LGSN: variants seen among roughly 807,000 people sequenced by gnomAD.
LGSN encodes lengsin, lens protein with glutamine synthetase domain.
LGSN carries 21 observed loss-of-function variants against 19.5 expected under a neutral mutation model. The observed-to-expected ratio is 1.07, with a 90% CI of 0.76 to 1.55. The LOEUF (loss-of-function observed/expected upper bound fraction) is 1.55. Ranked by LOEUF, LGSN falls within the 40% of genes most tolerant of loss-of-function variation. LGSN has a pLI of 0.00. For synonymous variants in LGSN, 257 were observed against 215.6 expected (o/e 1.19, Z -1.68); for missense variants, 673 against 608.5 (o/e 1.11, Z -1.12).
At chr6:63,357,413 C>A in the LGSN span, among the ~76,000 whole-genome samples, 21 of 152,276 alleles carry the variant, frequency 1.4e-4, no homozygotes, top group Admixed American at 2.6e-4. Context: ...GCCACACTGA[C>A]TTCCACAATG....
chr6:63,297,217 G>A (rs1453206696), intron 1 of LGSN, among the ~76,000 whole-genome samples: 1 of 152,044 alleles, frequency 6.6e-6, no homozygotes, highest in Non-Finnish European at 1.5e-5. Context: ...GCACGTGCCT[G>A]TAATCCCAGC....
the LGSN span, chr6:63,570,968 CT>C: frequency 1.2e-4 from 19 of 152,098 alleles, no homozygotes; most frequent in Non-Finnish European, 2.4e-4. Context: ...GATTTTTAAG[CT>C]TTCTATATTT....
chr6:63,409,550 CTTATT>C, the LGSN span, among the ~76,000 whole-genome samples: 1 of 152,088 alleles, frequency 6.6e-6, no homozygotes, highest in Non-Finnish European at 1.5e-5. Context: ...GTCAGATGAC[CTTATT>C]TTAAATTTCA....
the LGSN span, among the ~76,000 whole-genome samples, chr6:63,472,873 G>A: frequency 1.2e-4 from 18 of 151,804 alleles, no homozygotes; most frequent in Admixed American, 1.3e-4. Flanking sequence ...CCCAGGAGGC[G>A]GAGCTTGCAG....
chr6:63,447,949 A>C, the LGSN span, among the ~76,000 whole-genome samples: 1 of 152,214 alleles, frequency 6.6e-6, no homozygotes, highest in Non-Finnish European at 1.5e-5. Flanking sequence ...GCCATCCTAC[A>C]AGAAACTCAA....
chr6:63,313,330 C>T (rs1477716760), intron 1 of LGSN, among the ~76,000 whole-genome samples: 1 of 151,912 alleles, frequency 6.6e-6, no homozygotes, highest in East Asian at 1.9e-4. Context: ...ATGTGAGCAG[C>T]AGCTAGATCC....
At chr6:63,565,610 G>A in the LGSN span, among the ~76,000 whole-genome samples, 22 of 152,164 alleles carry the variant, frequency 1.4e-4, no homozygotes, top group African/African-American at 5.3e-4. Flanking sequence ...GTGGGTGACT[G>A]TTTCTATATG....
chr6:63,324,808 TAA>T (rs113742163), upstream of LGSN, among the ~76,000 whole-genome samples: 634 of 141,258 alleles, frequency 4.5e-3, 9 homozygotes, highest in Middle Eastern at 0.018. Flanking sequence ...AACACCTACA[TAA>T]AAAAAAAAAA....
At position 63,278,238 on chromosome 6, in the gene LGSN, C is replaced by G. The variant is rs1176294594; in HGVS notation, c.*1783G>C. The G allele has an allele frequency of 1.3e-5, 2 of 151,914 alleles. No individual in the cohort carries two copies. Among genetic ancestry groups the G allele is most frequent in the African/African-American group, 4.8e-5 (2 of 41,324 alleles). 9.4% of individuals were successfully genotyped at this position (151,914 alleles called of 1,614,324 possible). A position where few individuals can be genotyped will look rare whatever the true frequency, so the allele number is the denominator to read the frequency against. ...TTCATTTTTCATTGCTTTCAAAGAA[C>G]ATATTGAGGTTTTATTACTGAGAAC... On this transcript the variant is annotated 3_prime_UTR_variant, in exon 4 of 4. Transcript: ENST00000370657.
the LGSN span, among the ~76,000 whole-genome samples, chr6:63,425,910 C>G: frequency 6.6e-6 from 1 of 152,094 alleles, no homozygotes; most frequent in South Asian, 2.1e-4. Flanking sequence ...TGTGTATATA[C>G]TCAGTTATAT....
the LGSN span, among the ~76,000 whole-genome samples, chr6:63,404,399 T>C: frequency 4.6e-5 from 7 of 152,140 alleles, no homozygotes; most frequent in African/African-American, 7.2e-5. Context: ...AGAACTAATA[T>C]GTAAGCTTAG....
At chr6:63,503,560 A>T in the LGSN span, among the ~76,000 whole-genome samples, 1 of 152,236 alleles carries the variant, frequency 6.6e-6, no homozygotes, top group Non-Finnish European at 1.5e-5. Context: ...TCAACCATAT[A>T]TTCAGACTTG....
the LGSN span, among the ~76,000 whole-genome samples, chr6:63,429,415 TATACAGACTCAAACATTTC>T: frequency 1.3e-5 from 2 of 152,116 alleles, no homozygotes; most frequent in Non-Finnish European, 2.9e-5. Context: ...CAGCCGAAAG[TATACAGACTCAAACATTTC>T]TTAAAAATCA....
At chr6:63,286,905 G>A (rs1481513857) in intron 2 of LGSN, among the ~76,000 whole-genome samples, 4 of 152,178 alleles carry the variant, frequency 2.6e-5, no homozygotes, top group Admixed American at 2.6e-4. Flanking sequence ...CAGACAGTAA[G>A]CACCATGTAA....
At chr6:63,510,660 A>C in the LGSN span, among the ~76,000 whole-genome samples, 1 of 111,976 alleles carries the variant, frequency 8.9e-6, no homozygotes, top group African/African-American at 3.5e-5. Context: ...CAAGAAGCGA[A>C]TTTTTTTTTT....
chr6:63,390,651 T>A, the LGSN span, among the ~76,000 whole-genome samples: 1 of 150,978 alleles, frequency 6.6e-6, no homozygotes, highest in African/African-American at 2.4e-5. Context: ...GGTCAGGAGA[T>A]CGAGACCATC....
At chr6:63,333,511 G>T in the LGSN span, among the ~76,000 whole-genome samples, 35 of 135,874 alleles carry the variant, frequency 2.6e-4, no homozygotes. Context: ...AAGAATGAAA[G>T]AACAAAAGAA....
chr6:63,394,350 A>C, the LGSN span, among the ~76,000 whole-genome samples: 1 of 152,278 alleles, frequency 6.6e-6, no homozygotes, highest in Non-Finnish European at 1.5e-5. Context: ...GATGAAAGTG[A>C]CCTCTGGAGG....
At chr6:63,533,006 C>A in the LGSN span, among the ~76,000 whole-genome samples, 2 of 152,126 alleles carry the variant, frequency 1.3e-5, no homozygotes, top group South Asian at 4.1e-4. Context: ...CCAGACACTG[C>A]CTTTGAAGAG....
Sources: gnomAD v4.1 joint callset for allele counts (sites outside exome capture counted in the v4.1 genomes callset) on GRCh38, gnomAD v4.1.1 for gene constraint, MANE v1.5 for transcripts, NCBI Gene and HGNC (gene_info 2026-07-23, HGNC 2026-07-21) for gene names.